The following GTF3C2 variants were observed in gnomAD, a reference collection of about 807,000 sequenced individuals.
The protein encoded by GTF3C2 is general transcription factor 3C polypeptide 2.
Under a neutral mutation model 117.4 loss-of-function variants are expected in GTF3C2, and 17 were observed. The ratio of observed to expected loss-of-function variants is 0.14; its 90% CI spans 0.10 to 0.22. The LOEUF (loss-of-function observed/expected upper bound fraction) is 0.22, where lower values mean the gene tolerates loss of function less well. Ranked by LOEUF, GTF3C2 falls within the 10% of genes least tolerant of loss-of-function variation. The pLI is 1.00. For synonymous variants in GTF3C2, 437 were observed against 427.0 expected, an observed-to-expected ratio of 1.02 and a Z score of -0.29; for missense variants, 888 against 1,143.6, an observed-to-expected ratio of 0.78 and a Z score of 3.22.
exon 4 of GTF3C2, chr2:27,342,053 G>A: frequency 6.2e-7 from 1 of 1,614,028 alleles, no homozygotes; most frequent in East Asian, 2.2e-5. Flanking sequence ...CCTCAACCTG[G>A]AGAAAAAAGT....
chr2:27,329,100 C>G lies in GTF3C2; in HGVS notation c.2039+21G>C. On this transcript the variant is annotated intron_variant, in intron 14 of 18. Coordinates refer to ENST00000264720, the Ensembl canonical transcript of GTF3C2. This position sits in a 1 kb window ranked among gnomAD's most constrained non-coding sequence, Gnocchi z 4.5. ...ACCCTTAGGGCCTGTCCCTAGAGGT[C>G]CTATCTCCATCTTGCCGTACGAGGC... 25 of 1,613,110 alleles carry G rather than the reference C, an allele frequency of 1.5e-5. No homozygotes were observed. Among genetic ancestry groups the G allele is most frequent in the Non-Finnish European group, 2.1e-5 (25 of 1,179,198 alleles).
intron 12 of GTF3C2, among the ~76,000 whole-genome samples, chr2:27,331,869 G>A (rs897977946): frequency 2.6e-5 from 4 of 152,076 alleles, no homozygotes; most frequent in African/African-American, 9.7e-5. Flanking sequence ...AGCCCAGGAA[G>A]TCCAGGACGC....
At chr2:27,346,016 CTT>C (rs70953853) in intron 1 of GTF3C2, among the ~76,000 whole-genome samples, 1,800 of 97,838 alleles carry the variant, frequency 0.018, 80 homozygotes, top group Admixed American at 0.13. Flanking sequence ...TGCCCCGCCA[CTT>C]TTTTTTTTTT....
At chr2:27,331,719 C>CT (rs1346714051) in intron 12 of GTF3C2, among the ~76,000 whole-genome samples, 1 of 151,992 alleles carries the variant, frequency 6.6e-6, no homozygotes, top group East Asian at 1.9e-4. Flanking sequence ...AGGCAGATCA[C>CT]TTTGAGCTCA....
chr2:27,356,376 C>T (rs1019578253), intron 1 of GTF3C2: 5 of 294,706 alleles, frequency 1.7e-5, no homozygotes, highest in African/African-American at 1.1e-4. Context: ...GATTTCTCCC[C>T]TAGCCTGTGC....
chr2:27,350,928 G>C, intron 1 of GTF3C2, among the ~76,000 whole-genome samples: 1 of 143,922 alleles, frequency 6.9e-6, no homozygotes, highest in South Asian at 2.2e-4. Flanking sequence ...TAGTCTGGGC[G>C]ACACAGCAAG....
exon 12 of GTF3C2, chr2:27,333,751 T>C (rs375837098): frequency 1.7e-5 from 27 of 1,606,178 alleles, no homozygotes; most frequent in South Asian, 7.8e-5. Context: ...GTAGCTTGCA[T>C]AGACCCCACC....
intron 16 of GTF3C2, 24 bp downstream of exon 16, chr2:27,328,444 G>A (rs1380693584): frequency 6.2e-6 from 10 of 1,613,070 alleles, no homozygotes; most frequent in Non-Finnish European, 8.5e-6. Flanking sequence ...TCCAACAGCT[G>A]CTGTTAGATG....
chr2:27,343,669 A>T, intron 1 of GTF3C2, 91 bp from the exon 2 acceptor site: 1 of 1,026,858 alleles, frequency 9.7e-7, no homozygotes, highest in Non-Finnish European at 1.4e-6. Context: ...CCTCATTCTC[A>T]CACTCATAAC....
At chr2:27,336,491 G>A (rs1489230654) in intron 7 of GTF3C2, 66 bp from the exon 8 acceptor site, 27 of 937,092 alleles carry the variant, frequency 2.9e-5, no homozygotes, top group East Asian at 7.3e-5. Flanking sequence ...CTGAATGGGC[G>A]CTCCACCCAG....
intron 12 of GTF3C2, among the ~76,000 whole-genome samples, chr2:27,331,087 T>C (rs768019789): frequency 1.3e-5 from 2 of 152,198 alleles, no homozygotes; most frequent in Non-Finnish European, 2.9e-5. Flanking sequence ...CGATGAATTA[T>C]AGCCATGCAA....
At chr2:27,328,432 G>C in intron 16 of GTF3C2, 36 bp downstream of exon 16, 11 of 1,609,300 alleles carry the variant, frequency 6.8e-6, no homozygotes, top group Non-Finnish European at 9.4e-6. Flanking sequence ...TGTGGGTTAG[G>C]ATCCAACAGC....
chr2:27,337,650 A>T, intron 5 of GTF3C2, 92 bp from the exon 6 acceptor site: 1 of 905,908 alleles, frequency 1.1e-6, no homozygotes, highest in Non-Finnish European at 1.8e-6. Flanking sequence ...ATGATCCATT[A>T]TCTGTGCTCC....
At chr2:27,326,556 T>G in exon 19 of GTF3C2, 1 of 729,294 alleles carries the variant, frequency 1.4e-6, no homozygotes. Flanking sequence ...GAGGCAGGCC[T>G]AAAGGTCCAG....
intron 1 of GTF3C2, chr2:27,350,581 C>T (rs1163612388): frequency 6.6e-5 from 55 of 831,978 alleles, no homozygotes; most frequent in Non-Finnish European, 8.0e-5. Flanking sequence ...GGGAGGATCG[C>T]TTGAGGCCAG....
chr2:27,327,226 C>T (rs1195414330), exon 18 of GTF3C2: 1 of 1,610,794 alleles, frequency 6.2e-7, no homozygotes, highest in African/African-American at 1.3e-5. Context: ...TTGAGAATGC[C>T]CCTCTCCCTC....
chr2:27,339,426 AAG>A (rs1404753031), intron 4 of GTF3C2, among the ~76,000 whole-genome samples: 3 of 151,580 alleles, frequency 2.0e-5, no homozygotes, highest in Non-Finnish European at 4.4e-5. Context: ...AAAAAAAAAA[AAG>A]AAAAAAAAAA....
At chr2:27,349,977 C>T (rs1163452590) in intron 1 of GTF3C2, among the ~76,000 whole-genome samples, 1 of 151,968 alleles carries the variant, frequency 6.6e-6, no homozygotes, top group East Asian at 1.9e-4. Flanking sequence ...AACTTCAAAT[C>T]ATATAAAAGA....
chr2:27,356,688 G>C (rs991913145), intron 1 of GTF3C2, 51 bp downstream of exon 1: 2 of 153,090 alleles, frequency 1.3e-5, no homozygotes, highest in Non-Finnish European at 2.9e-5. Context: ...AAAAGAAGGG[G>C]GAGGAGTAAT....
Sources: allele counts gnomAD v4.1 joint callset (sites outside exome capture counted in the v4.1 genomes callset), GRCh38; gene constraint gnomAD v4.1.1; non-coding constraint Gnocchi (gnomAD v3.1); transcripts MANE v1.5; gene names NCBI Gene and HGNC (gene_info 2026-07-23, HGNC 2026-07-21).